PHLPP1: variants seen among roughly 807,000 people sequenced by gnomAD.
PHLPP1 encodes PH domain leucine-rich repeat-containing protein phosphatase 1.
A neutral mutation model predicts 117.2 loss-of-function variants in PHLPP1; 42 were observed. That is an observed-to-expected ratio of 0.36 (90% CI 0.28 to 0.46). The LOEUF (loss-of-function observed/expected upper bound fraction) is 0.46. PHLPP1 is among the 20% of genes least tolerant of loss of function. The pLI, the probability that PHLPP1 is intolerant of heterozygous loss-of-function variation, is 1.00. For synonymous variants in PHLPP1, 1,042 were observed against 970.7 expected (o/e 1.07, Z -1.37); for missense variants, 2,084 against 2,241.9 (o/e 0.93, Z 1.42).
intron 12 of PHLPP1, among the ~76,000 whole-genome samples, chr18:62,947,596 A>T (rs544998878): frequency 6.6e-6 from 1 of 152,198 alleles, no homozygotes; most frequent in Non-Finnish European, 1.5e-5. Flanking sequence ...CTAGCACAAG[A>T]GAAAGTGAGA....
At chr18:62,897,353 A>T (rs980093180) in intron 6 of PHLPP1, among the ~76,000 whole-genome samples, 3 of 152,202 alleles carry the variant, frequency 2.0e-5, no homozygotes, top group Admixed American at 1.3e-4. Flanking sequence ...CACCTACAGG[A>T]TATTTAAATA....
chr18:62,790,089 G>A (rs1264702988), intron 1 of PHLPP1, among the ~76,000 whole-genome samples: 3 of 152,206 alleles, frequency 2.0e-5, no homozygotes, highest in African/African-American at 7.2e-5. Flanking sequence ...GAGAGTCAAT[G>A]CTTTCCATGA....
At chr18:62,746,293 C>A (rs1294272181) in intron 1 of PHLPP1, among the ~76,000 whole-genome samples, 1 of 152,132 alleles carries the variant, frequency 6.6e-6, no homozygotes, top group Non-Finnish European at 1.5e-5. Flanking sequence ...GATCCACCCT[C>A]CTTGGCCTCC....
chr18:62,736,389 C>T (rs1402508746), intron 1 of PHLPP1, among the ~76,000 whole-genome samples: 1 of 152,126 alleles, frequency 6.6e-6, no homozygotes, highest in Admixed American at 6.6e-5. Flanking sequence ...CACTGAGGGC[C>T]TGAGCTAGGG....
Position 62,979,219 on chromosome 18 carries a change from C to T in PHLPP1, c.4942C>T (p.Pro1648Ser). 6.2e-7 allele frequency: 1 copy of T among 1,609,426 alleles called. No individual in the cohort carries two copies. The highest frequency in any genetic ancestry group is 8.5e-7 in the Non-Finnish European group (1 of 1,177,906). ...EVATDAPLRK[P>S]GGYFAAPAQP... ...GGCTACAGACGCACCTCTTCGAAAG[C>T]CTGGAGGCTATTTTGCTGCCCCGGC... Residue 1648 changes from proline to serine, a missense_variant, in exon 17 of 17, where the codon CCT (proline) becomes TCT (serine). Transcript: ENST00000262719.
In PHLPP1 at chr18:62,978,809, C is replaced by T. The variant is rs552854534; in HGVS notation, c.4532C>T (p.Pro1511Leu). Reference protein sequence around the residue: ...GALSENSPAYPSEQRCMLHPI... With the variant: ...GALSENSPAYLSEQRCMLHPI... ...CTAAGCGAGAACAGCCCTGCCTACCCCAGTGAGCAGCGCTGCATGCTCCAC... is the reference window on the plus strand; with the variant it reads ...CTAAGCGAGAACAGCCCTGCCTACCTCAGTGAGCAGCGCTGCATGCTCCAC... Residue 1511 changes from proline (P) to leucine (L), a missense_variant, in exon 17 of 17, where the codon CCC (proline) becomes CTC (leucine). By Grantham distance (98) the Pro-to-Leu change is moderately conservative. Transcript: ENST00000262719. This position sits in a 1 kb window ranked among gnomAD's most constrained non-coding sequence, Gnocchi z 7.0. 4.3e-6 allele frequency: 7 copies of T among 1,611,474 alleles called. No individual in the cohort carries two copies. Among genetic ancestry groups the T allele is most frequent in the African/African-American group, 4.0e-5 (3 of 74,986 alleles).
intron 1 of PHLPP1, among the ~76,000 whole-genome samples, chr18:62,797,126 T>C (rs1185709830): frequency 6.6e-6 from 1 of 152,228 alleles, no homozygotes; most frequent in Non-Finnish European, 1.5e-5. Context: ...GTAAAGCTGA[T>C]AAATCAAGTG....
intron 2 of PHLPP1, among the ~76,000 whole-genome samples, chr18:62,833,804 G>T (rs1293251023): frequency 6.6e-6 from 1 of 152,000 alleles, no homozygotes; most frequent in Non-Finnish European, 1.5e-5. Context: ...GGACATTTGG[G>T]TTGCTTTCAG....
chr18:62,869,961 C>T lies in PHLPP1; in HGVS notation c.2066+9360C>T, dbSNP rs1049795181. On this transcript the variant is annotated intron_variant, in intron 4 of 16. Coordinates refer to ENST00000262719, the MANE Select transcript of PHLPP1 (RefSeq NM_194449.4). ...GGAGTGCAGTGGCACGATCTCGCCTCGGCTTACTGCAACCTCTGCCTCCCA... is the reference window on the plus strand; with the variant it reads ...GGAGTGCAGTGGCACGATCTCGCCTTGGCTTACTGCAACCTCTGCCTCCCA... 4.6e-5 allele frequency among the ~76,000 whole-genome samples: 7 copies of T among 152,316 alleles called. No homozygotes were observed. The South Asian group carries it at 8.3e-4, about 18-fold the overall frequency.
intron 9 of PHLPP1, among the ~76,000 whole-genome samples, chr18:62,919,660 C>T (rs931622497): frequency 1.3e-5 from 2 of 152,190 alleles, no homozygotes; most frequent in African/African-American, 4.8e-5. Flanking sequence ...GAGAAGCATG[C>T]AGCCTTTGAA....
rs752017798 is a variant in PHLPP1 at position 62,979,382 on chromosome 18, G to A, written c.5105G>A (p.Arg1702Gln). The change falls in exon 17 of 17, where the codon CGG (arginine) becomes CAG (glutamine). Residue 1702 changes from arginine (R) to glutamine (Q), a missense_variant. Physicochemically the swap from Arg to Gln is conservative, Grantham distance 43. Coordinates refer to ENST00000262719, the MANE Select transcript of PHLPP1 (RefSeq NM_194449.4). ...CCTCAGCTCCAGCCGCAGCTGCCGC[G>A]GCACTACCAGCTGGACCAGCTGCCA... is the stretch of plus-strand genomic sequence containing the variant. The part of the protein sequence containing the change: ...PPPQLQPQLP[R>Q]HYQLDQLPDY... The A allele has an allele frequency of 8.1e-5, 126 of 1,550,608 alleles. No individual in the cohort carries two copies. Among genetic ancestry groups the A allele is most frequent in the Admixed American group, 2.0e-4 (10 of 51,004 alleles).
intron 3 of PHLPP1, among the ~76,000 whole-genome samples, chr18:62,850,953 C>T (rs2144352766): frequency 6.6e-6 from 1 of 152,264 alleles, no homozygotes; most frequent in South Asian, 2.1e-4. Context: ...GAGGATTGTT[C>T]TTGGCCCTGT....
Position 62,979,529 on chromosome 18 carries a change from T to TC in PHLPP1, c.*103dup. ...AACCAGGGGTTTTACTCCACATCCT[T>TC]CCCCCAGACACTGTTCCCAACCTGT... On this transcript the variant is annotated 3_prime_UTR_variant, in exon 17 of 17. Coordinates refer to ENST00000262719, the MANE Select transcript of PHLPP1 (RefSeq NM_194449.4). 1 of 1,311,834 alleles carries TC rather than the reference T, an allele frequency of 7.6e-7. No homozygotes were observed. The highest frequency in any genetic ancestry group is 1.5e-5 in the South Asian group (1 of 66,986). 81.3% of individuals were successfully genotyped at this position (1,311,834 alleles called of 1,614,324 possible).
intron 6 of PHLPP1, among the ~76,000 whole-genome samples, 167 bp downstream of exon 6, chr18:62,896,178 C>T (rs943255731): frequency 6.6e-6 from 1 of 151,996 alleles, no homozygotes; most frequent in African/African-American, 2.4e-5. Context: ...TTTGCTATTA[C>T]TGGAAACTCT....
intron 10 of PHLPP1, among the ~76,000 whole-genome samples, chr18:62,935,925 C>T (rs1183808982): frequency 6.6e-6 from 1 of 152,112 alleles, no homozygotes; most frequent in Non-Finnish European, 1.5e-5. Context: ...ATCACTTGAA[C>T]CCAGGAGGTG....
In PHLPP1 at chr18:62,717,056, C is replaced by G. The variant is rs1181449564; in HGVS notation, c.1373C>G (p.Thr458Ser). The G allele has an allele frequency of 1.3e-6, 2 of 1,546,644 alleles. No individual in the cohort carries two copies. Among genetic ancestry groups the G allele is most frequent in the East Asian group, 4.9e-5 (2 of 40,862 alleles). The change falls in exon 1 of 17, where the codon ACC becomes AGC. Residue 458 changes from threonine (T) to serine (S), a missense_variant. This residue lies in a region of PHLPP1 where 1,365 missense variants were observed against 1,605.9 expected (regional missense o/e 0.85). Coordinates refer to ENST00000262719, the MANE Select transcript of PHLPP1 (RefSeq NM_194449.4). The stretch of plus-strand genomic sequence containing the variant: ...TCTACCCCCGGGAGGAGCGGGGTGA[C>G]CGCGGAGAAGGCGCCTCCGCCGCCC... ...LQSTPGRSGV[T>S]AEKAPPPPPP...
Position 62,717,087 on chromosome 18 carries a change from G to A in PHLPP1, c.1404G>A (p.Pro468=), listed in dbSNP as rs1397119253. 6.4e-6 allele frequency: 5 copies of A among 786,476 alleles called. No individual in the cohort carries two copies. Among genetic ancestry groups the A allele is most frequent in the Admixed American group, 4.6e-5 (2 of 43,264 alleles). The allele number at this position is 786,476 out of a possible 1,614,324, so 48.7% of individuals were successfully genotyped here. ...AGAAGGCGCCTCCGCCGCCCCCGCC[G>A]CCCACCCTGTACGTGCAGCTCCACG... ...TAEKAPPPPP[P]PTLYVQLHGE... Residue 468 remains proline (P), a synonymous_variant, in exon 1 of 17, where the codon CCG becomes CCA. Coordinates refer to ENST00000262719, the MANE Select transcript of PHLPP1 (RefSeq NM_194449.4).
intron 1 of PHLPP1, among the ~76,000 whole-genome samples, chr18:62,796,876 T>G (rs968172362): frequency 2.6e-5 from 4 of 152,220 alleles, no homozygotes; most frequent in African/African-American, 9.6e-5. Flanking sequence ...TGATTAGTGT[T>G]TTGTTTATAG....
At chr18:62,866,093 A>T (rs1303418709) in intron 4 of PHLPP1, among the ~76,000 whole-genome samples, 2 of 152,162 alleles carry the variant, frequency 1.3e-5, no homozygotes, top group Non-Finnish European at 2.9e-5. Context: ...GTCTATGGGG[A>T]TGTTAACTGC....
Sources: allele counts gnomAD v4.1 joint callset (sites outside exome capture counted in the v4.1 genomes callset), GRCh38; gene constraint gnomAD v4.1.1; regional missense constraint gnomAD v4.1.1; non-coding constraint Gnocchi (gnomAD v3.1); transcripts MANE v1.5; gene names NCBI Gene and HGNC (gene_info 2026-07-23, HGNC 2026-07-21).